Variants in FARS2 observed in about 807,000 individuals in gnomAD.
The protein encoded by FARS2 is phenylalanyl-tRNA synthetase 2, mitochondrial.
A neutral mutation model predicts 46.4 loss-of-function variants in FARS2; 40 were observed. The ratio of observed to expected loss-of-function variants is 0.86; its 90% confidence interval spans 0.67 to 1.12. The LOEUF is 1.12. FARS2 is among the 50% of genes most tolerant of loss of function. FARS2 has a pLI of 0.00. For synonymous variants in FARS2, 234 were observed against 214.9 expected, an observed-to-expected ratio of 1.09 and a Z score of -0.78; for missense variants, 513 against 567.9, an observed-to-expected ratio of 0.90 and a Z score of 0.98.
rs1757063476 is a variant in FARS2 at position 5,343,988 on chromosome 6, G to C, written c.-21-24562G>C. 6.6e-6 allele frequency among the ~76,000 whole-genome samples: 1 copy of C among 152,210 alleles called. No homozygotes were observed. The highest frequency in any genetic ancestry group is 1.5e-5 in the Non-Finnish European group (1 of 68,032). On this transcript the variant is annotated intron_variant, in intron 1 of 6. Coordinates refer to ENST00000274680, the MANE Select transcript of FARS2 (RefSeq NM_006567.5). The surrounding 1 kb of genome is among the most constrained non-coding windows in gnomAD (Gnocchi z 4.5). ...CTGAGGTGTCCTCTGTCTTTGCTGTGAGCGGCGTGACAGCTGTGCCTTCCG... is the reference window on the plus strand; with the variant it reads ...CTGAGGTGTCCTCTGTCTTTGCTGTCAGCGGCGTGACAGCTGTGCCTTCCG...
intron 4 of FARS2, among the ~76,000 whole-genome samples, chr6:5,494,887 G>A (rs1330349409): frequency 2.6e-5 from 4 of 152,252 alleles, no homozygotes; most frequent in South Asian, 2.1e-4. Flanking sequence ...AAAAGCAATC[G>A]AAAATAACTC....
chr6:5,550,262 T>G (rs1771291831), intron 5 of FARS2, among the ~76,000 whole-genome samples: 1 of 152,308 alleles, frequency 6.6e-6, no homozygotes, highest in East Asian at 1.9e-4. Flanking sequence ...CTCTAAAATA[T>G]CCTTCTTTTT....
At chr6:5,359,249 A>G (rs1273402939) in intron 1 of FARS2, among the ~76,000 whole-genome samples, 1 of 152,048 alleles carries the variant, frequency 6.6e-6, no homozygotes, top group East Asian at 1.9e-4. Flanking sequence ...CATGTTGGCC[A>G]GGCCATTCCC....
At chr6:5,442,309 T>C (rs1243930464) in intron 4 of FARS2, among the ~76,000 whole-genome samples, 1 of 152,096 alleles carries the variant, frequency 6.6e-6, no homozygotes, top group African/African-American at 2.4e-5. Context: ...TAATCATTTG[T>C]CATTTCTATG....
At chr6:5,442,709 G>A (rs1763911802) in intron 4 of FARS2, among the ~76,000 whole-genome samples, 5 of 152,092 alleles carry the variant, frequency 3.3e-5, no homozygotes, top group African/African-American at 1.2e-4. Context: ...AGTTTCCCTT[G>A]GCTGGGAAGT....
At chr6:5,309,123 T>C (rs976976390) in intron 1 of FARS2, among the ~76,000 whole-genome samples, 2 of 152,180 alleles carry the variant, frequency 1.3e-5, no homozygotes, top group Non-Finnish European at 2.9e-5. Flanking sequence ...TACCAGACAA[T>C]GTGCTGTGTA....
intron 4 of FARS2, among the ~76,000 whole-genome samples, chr6:5,447,882 A>G (rs537679832): frequency 6.6e-6 from 1 of 152,360 alleles, no homozygotes; most frequent in South Asian, 2.1e-4. Context: ...CAGATATGGT[A>G]TCAGGCTTGG....
intron 1 of FARS2, among the ~76,000 whole-genome samples, chr6:5,270,582 G>T (rs28597998): frequency 0.028 from 4,284 of 152,230 alleles, 203 homozygotes; most frequent in African/African-American, 0.097. Context: ...ATTTGAAAAT[G>T]AAATGTTCAT....
chr6:5,274,737 G>T (rs1026878580), intron 1 of FARS2, among the ~76,000 whole-genome samples: 2 of 151,830 alleles, frequency 1.3e-5, no homozygotes, highest in East Asian at 1.9e-4. Context: ...TTGAGACAGG[G>T]TCTTGCTCTG....
chr6:5,260,408 G>A (rs997455274), upstream of FARS2, among the ~76,000 whole-genome samples: 4 of 152,232 alleles, frequency 2.6e-5, no homozygotes, highest in South Asian at 2.1e-4. Context: ...AGCCTTTAGG[G>A]GGAAAACGTC....
chr6:5,257,529 T>TC (rs1764734166), upstream of FARS2, among the ~76,000 whole-genome samples: 1 of 152,082 alleles, frequency 6.6e-6, no homozygotes, highest in Admixed American at 6.5e-5. Flanking sequence ...ATAGCAGGGG[T>TC]CCCCAACCCA....
At chr6:5,298,862 CAA>C (rs771852149) in intron 1 of FARS2, among the ~76,000 whole-genome samples, 81 of 74,752 alleles carry the variant, frequency 1.1e-3, no homozygotes, top group African/African-American at 2.6e-3. Flanking sequence ...AACTCCATCT[CAA>C]AAAAAAAAAA....
intron 1 of FARS2, among the ~76,000 whole-genome samples, chr6:5,334,434 GT>G (rs1771017523): frequency 6.6e-6 from 1 of 152,208 alleles, no homozygotes; most frequent in Non-Finnish European, 1.5e-5. Context: ...CCTTTATAGA[GT>G]TACTGATTTT....
chr6:5,588,308 G>A lies in FARS2; in HGVS notation c.1066-24861G>A, dbSNP rs193290007. 8.2e-3 allele frequency among the ~76,000 whole-genome samples: 1,247 copies of A among 152,202 alleles called. 9 individuals carry two copies. Among genetic ancestry groups the A allele is most frequent in the South Asian group, 0.016 (75 of 4,820 alleles). ...GCCAGCCTCTTCTCCTCGGGACCAC[G>A]CTGTGGCCTCCTGGAAGCCCAAGGC... On this transcript the variant is annotated intron_variant, in intron 5 of 6. Coordinates refer to ENST00000274680, the MANE Select transcript of FARS2 (RefSeq NM_006567.5).
rs1024662143 is a variant in FARS2 at position 5,539,396 on chromosome 6, A to ATATATATATATATATATATATATG, written c.905-5781_905-5780insATATATATATATATATATATGTAT. On this transcript the variant is annotated intron_variant, in intron 4 of 6. Coordinates refer to ENST00000274680, the MANE Select transcript of FARS2 (RefSeq NM_006567.5). ...TAATTTTTTTTGTGTATATATATAT[A>ATATATATATATATATATATATATG]TATGTATATATTTTTTTAGTAGAGA... Among the ~76,000 whole-genome samples, 139 of 136,418 alleles carry ATATATATATATATATATATATATG rather than the reference A, an allele frequency of 1.0e-3. 3 individuals carry two copies. The highest frequency in any genetic ancestry group is 4.0e-3 in the Middle Eastern group (1 of 252). The allele number at this position is 136,418 out of a possible 152,430, so 89.5% of individuals were successfully genotyped here.
chr6:5,313,565 A>T (rs1296469415), intron 1 of FARS2, among the ~76,000 whole-genome samples: 1 of 152,056 alleles, frequency 6.6e-6, no homozygotes, highest in Non-Finnish European at 1.5e-5. Flanking sequence ...TTATTAGGGA[A>T]TTTTTTTAGA....
intron 1 of FARS2, among the ~76,000 whole-genome samples, chr6:5,355,155 TGA>T (rs1307469995): frequency 6.6e-6 from 1 of 152,130 alleles, no homozygotes; most frequent in African/African-American, 2.4e-5. Context: ...TGGTGTGAAT[TGA>T]GAGTCATGGG....
At chr6:5,487,244 A>G (rs191604709) in intron 4 of FARS2, among the ~76,000 whole-genome samples, 8 of 152,258 alleles carry the variant, frequency 5.3e-5, no homozygotes, top group South Asian at 2.1e-4. Context: ...CTGGGTGCCA[A>G]CGTTGTAGGA....
chr6:5,280,842 G>T (rs1766671439), intron 1 of FARS2, among the ~76,000 whole-genome samples: 1 of 152,026 alleles, frequency 6.6e-6, no homozygotes, highest in African/African-American at 2.4e-5. Context: ...TCAATATATT[G>T]TAGGTATATT....
Sources: gnomAD v4.1 joint callset for allele counts (sites outside exome capture counted in the v4.1 genomes callset) on GRCh38, gnomAD v4.1.1 for gene constraint, Gnocchi (gnomAD v3.1) non-coding constraint, MANE v1.5 for transcripts, NCBI Gene and HGNC (gene_info 2026-07-23, HGNC 2026-07-21) for gene names.